Variants in CAMKMT observed in about 807,000 individuals in gnomAD.
The protein encoded by CAMKMT is calmodulin-lysine N-methyltransferase.
In CAMKMT, 53 loss-of-function variants were observed where a neutral mutation model predicts 48.0. The observed-to-expected ratio is 1.10, with a 90% CI of 0.89 to 1.39. The LOEUF (loss-of-function observed/expected upper bound fraction) is 1.39. Ranked by LOEUF, CAMKMT falls within the 40% of genes most tolerant of loss-of-function variation. The pLI is 0.00. For synonymous variants in CAMKMT, 165 were observed against 152.3 expected (o/e 1.08, Z -0.61); for missense variants, 428 against 402.7 (o/e 1.06, Z -0.54).
At chr2:44,698,495 G>C (rs1031498003) in intron 3 of CAMKMT, among the ~76,000 whole-genome samples, 1 of 152,164 alleles carries the variant, frequency 6.6e-6, no homozygotes, top group African/African-American at 2.4e-5. Flanking sequence ...GCATATAAAA[G>C]TTTGCACTAT....
chr2:44,368,832 C>T (rs1201825828), intron 1 of CAMKMT, among the ~76,000 whole-genome samples: 1 of 152,028 alleles, frequency 6.6e-6, no homozygotes, highest in African/African-American at 2.4e-5. Context: ...TGTTTTTCTT[C>T]CTGTTGCCCA....
intron 2 of CAMKMT, among the ~76,000 whole-genome samples, chr2:44,384,509 T>C (rs1263767648): frequency 6.6e-6 from 1 of 151,004 alleles, no homozygotes; most frequent in Non-Finnish European, 1.5e-5. Context: ...TCTTTTTTTT[T>C]TTTTTTTTTT....
chr2:44,697,143 T>C (rs1676999190), intron 3 of CAMKMT, among the ~76,000 whole-genome samples: 1 of 152,182 alleles, frequency 6.6e-6, no homozygotes. Context: ...TAAGAAACTT[T>C]CCAAGAACTG....
At chr2:44,575,718 A>G (rs576389439) in intron 3 of CAMKMT, among the ~76,000 whole-genome samples, 2 of 152,096 alleles carry the variant, frequency 1.3e-5, no homozygotes, top group African/African-American at 4.8e-5. Flanking sequence ...CTAATAATGC[A>G]AAAATTAGCT....
intron 3 of CAMKMT, among the ~76,000 whole-genome samples, chr2:44,602,123 A>T (rs1323225643): frequency 1.3e-5 from 2 of 151,928 alleles, no homozygotes; most frequent in African/African-American, 2.4e-5. Context: ...CTCCCACCTC[A>T]GCCTCTCTAG....
intron 3 of CAMKMT, among the ~76,000 whole-genome samples, chr2:44,602,865 A>G (rs547858153): frequency 1.3e-5 from 2 of 152,104 alleles, no homozygotes; most frequent in South Asian, 4.1e-4. Flanking sequence ...TTGGGTGGGG[A>G]CACAGAGACA....
intron 3 of CAMKMT, among the ~76,000 whole-genome samples, chr2:44,431,770 C>T (rs1357356367): frequency 6.6e-6 from 1 of 152,092 alleles, no homozygotes; most frequent in Non-Finnish European, 1.5e-5. Context: ...TTAGGCCTTT[C>T]TTCTGGTGGA....
Position 44,423,622 on chromosome 2 carries a change from C to T in CAMKMT, c.376+33317C>T, listed in dbSNP as rs1044232246. Among the ~76,000 whole-genome samples, 28 of 152,308 alleles carry T rather than the reference C, an allele frequency of 1.8e-4. No individual in the cohort carries two copies. The East Asian group carries it at 1.9e-3, about 11-fold the overall frequency. ...CAATGAATTGTAATTTTGTTTTGTACATCATCTTCCTCATGGACTATGAAC... is the reference window on the plus strand; with the variant it reads ...CAATGAATTGTAATTTTGTTTTGTATATCATCTTCCTCATGGACTATGAAC... On this transcript the variant is annotated intron_variant, in intron 3 of 10. Transcript: ENST00000378494.
At chr2:44,497,330 A>T (rs935193041) in intron 3 of CAMKMT, among the ~76,000 whole-genome samples, 1 of 152,204 alleles carries the variant, frequency 6.6e-6, no homozygotes, top group Non-Finnish European at 1.5e-5. Context: ...GGAAAAGAAC[A>T]TTGTTCTTTT....
At chr2:44,638,805 T>A (rs1236545166) in intron 3 of CAMKMT, among the ~76,000 whole-genome samples, 1 of 152,184 alleles carries the variant, frequency 6.6e-6, no homozygotes, top group Non-Finnish European at 1.5e-5. Flanking sequence ...CCTCTGACAT[T>A]CCCTGACCTT....
At chr2:44,367,695 GA>G (rs1678749287) in intron 1 of CAMKMT, among the ~76,000 whole-genome samples, 1 of 152,164 alleles carries the variant, frequency 6.6e-6, no homozygotes, top group African/African-American at 2.4e-5. Flanking sequence ...GAAGCTAAGT[GA>G]AGGAAAGGGA....
intron 3 of CAMKMT, among the ~76,000 whole-genome samples, chr2:44,555,893 G>T (rs1048973541): frequency 2.6e-5 from 4 of 152,146 alleles, no homozygotes; most frequent in Non-Finnish European, 5.9e-5. Context: ...TAGCAACAAA[G>T]AGGTCATTAT....
chr2:44,576,817 A>C (rs935992991), intron 3 of CAMKMT, among the ~76,000 whole-genome samples: 11 of 152,236 alleles, frequency 7.2e-5, no homozygotes, highest in Non-Finnish European at 1.2e-4. Flanking sequence ...AATGCAACTC[A>C]AAAGATAATT....
intron 3 of CAMKMT, among the ~76,000 whole-genome samples, chr2:44,578,289 T>C (rs542672855): frequency 6.6e-6 from 1 of 152,346 alleles, no homozygotes; most frequent in East Asian, 1.9e-4. Context: ...AATACCATTA[T>C]ATAATAATGA....
chr2:44,645,327 G>A (rs989039675), intron 3 of CAMKMT, among the ~76,000 whole-genome samples: 1 of 152,178 alleles, frequency 6.6e-6, no homozygotes, highest in African/African-American at 2.4e-5. Flanking sequence ...TTCTCAGAAT[G>A]CCAACCAGCA....
intron 2 of CAMKMT, among the ~76,000 whole-genome samples, chr2:44,382,569 C>T (rs540418908): frequency 6.6e-6 from 1 of 151,900 alleles, no homozygotes; most frequent in South Asian, 2.1e-4. Context: ...AGCTCCGCCT[C>T]CCGGGTTCAT....
intron 3 of CAMKMT, among the ~76,000 whole-genome samples, chr2:44,582,214 T>G (rs1033814251): frequency 6.6e-6 from 1 of 152,224 alleles, no homozygotes; most frequent in African/African-American, 2.4e-5. Context: ...TTAGTCTATT[T>G]TGACATTTAG....
chr2:44,595,891 A>G (rs1030338723), intron 3 of CAMKMT, among the ~76,000 whole-genome samples: 2 of 151,746 alleles, frequency 1.3e-5, no homozygotes, highest in Non-Finnish European at 2.9e-5. Context: ...AGAAGAGAAA[A>G]CCAAACACTG....
At chr2:44,757,123 TA>T (rs2104393513) in intron 9 of CAMKMT, among the ~76,000 whole-genome samples, 1 of 152,332 alleles carries the variant, frequency 6.6e-6, no homozygotes, top group East Asian at 1.9e-4. Flanking sequence ...AGGTGCTCCT[TA>T]AGGGGAGCTG....
Sources: allele counts gnomAD v4.1 joint callset (sites outside exome capture counted in the v4.1 genomes callset), GRCh38; gene constraint gnomAD v4.1.1; transcripts MANE v1.5; gene names NCBI Gene and HGNC (gene_info 2026-07-23, HGNC 2026-07-21).